Variants in PTPRT observed in about 807,000 individuals in gnomAD.
PTPRT encodes the protein protein tyrosine phosphatase receptor type T, also known as receptor-type tyrosine-protein phosphatase T.
In PTPRT, 56 loss-of-function variants were observed where a neutral mutation model predicts 176.8. That is an observed-to-expected ratio of 0.32 (90% CI 0.26 to 0.40). The LOEUF is 0.40. Among genes scored for constraint, PTPRT ranks in the 10% least tolerant of loss-of-function variants. The pLI is 1.00. For synonymous variants in PTPRT, 783 were observed against 739.0 expected, an observed-to-expected ratio of 1.06 and a Z score of -0.96; for missense variants, 1,540 against 1,908.2, an observed-to-expected ratio of 0.81 and a Z score of 3.60.
chr20:42,744,069 G>A (rs2076654284), intron 6 of PTPRT, among the ~76,000 whole-genome samples: 1 of 152,228 alleles, frequency 6.6e-6, no homozygotes, highest in Non-Finnish European at 1.5e-5. Context: ...CAGTTCCCAT[G>A]ACCAGCTGGG....
intron 1 of PTPRT, among the ~76,000 whole-genome samples, chr20:42,993,224 C>A (rs559682617): frequency 1.3e-5 from 2 of 151,756 alleles, no homozygotes; most frequent in African/African-American, 4.8e-5. Context: ...TGAGACCAGC[C>A]TGGCTAACAT....
At position 43,091,465 on chromosome 20, in the gene PTPRT, CT is replaced by C. The variant is rs1421379158; in HGVS notation, c.88+98180del. Among the ~76,000 whole-genome samples, 31 of 139,152 alleles carry C rather than the reference CT, an allele frequency of 2.2e-4. 2 individuals carry two copies. The East Asian group carries it at 5.5e-3, about 25-fold the overall frequency. 91.3% of individuals were successfully genotyped at this position (139,152 alleles called of 152,430 possible). ...GTATTTCTCTCTCTCTCTCTCCCCCCTCTCTTTCTCTCTCTCTCTCTCTCTA... is the reference window on the plus strand; with the variant it reads ...GTATTTCTCTCTCTCTCTCTCCCCCCCTCTTTCTCTCTCTCTCTCTCTCTA... On this transcript the variant is annotated intron_variant, in intron 1 of 30. Coordinates refer to ENST00000373187, the MANE Select transcript of PTPRT (RefSeq NM_007050.6).
At chr20:42,656,673 A>T (rs574824672) in intron 7 of PTPRT, among the ~76,000 whole-genome samples, 2 of 152,288 alleles carry the variant, frequency 1.3e-5, no homozygotes, top group South Asian at 2.1e-4. Flanking sequence ...TCCAGGAAAA[A>T]ATATTACATA....
intron 27 of PTPRT, among the ~76,000 whole-genome samples, chr20:42,092,950 T>G (rs1282154400): frequency 1.3e-5 from 2 of 152,196 alleles, no homozygotes; most frequent in East Asian, 1.9e-4. Flanking sequence ...ACAGAGCAAC[T>G]CAGCTTTTAT....
intron 16 of PTPRT, among the ~76,000 whole-genome samples, chr20:42,176,464 G>T (rs1052982368): frequency 6.6e-6 from 1 of 152,106 alleles, no homozygotes; most frequent in Non-Finnish European, 1.5e-5. Context: ...TGGCTCCAGG[G>T]GACTGGACAT....
intron 9 of PTPRT, among the ~76,000 whole-genome samples, chr20:42,373,917 A>G (rs1197370681): frequency 6.6e-6 from 1 of 152,170 alleles, no homozygotes; most frequent in Admixed American, 6.5e-5. Context: ...TCACAGCATG[A>G]GTCATGCAGG....
intron 1 of PTPRT, among the ~76,000 whole-genome samples, chr20:43,181,227 C>A (rs1294769933): frequency 6.6e-6 from 1 of 152,206 alleles, no homozygotes. Context: ...GAACTGACTG[C>A]AGCCTGTGAG....
At chr20:42,513,158 C>A (rs2145463832) in intron 7 of PTPRT, among the ~76,000 whole-genome samples, 2 of 151,318 alleles carry the variant, frequency 1.3e-5, no homozygotes, top group Middle Eastern at 6.9e-3. Context: ...CCATACCCGA[C>A]CTAATGTTGT....
At chr20:42,920,161 C>G (rs755459220) in intron 1 of PTPRT, among the ~76,000 whole-genome samples, 1 of 152,112 alleles carries the variant, frequency 6.6e-6, no homozygotes, top group Non-Finnish European at 1.5e-5. Flanking sequence ...GAGACAAGAA[C>G]AAAAAATAAG....
chr20:42,303,207 T>C (rs1217103104), intron 12 of PTPRT, among the ~76,000 whole-genome samples: 1 of 152,240 alleles, frequency 6.6e-6, no homozygotes, highest in Non-Finnish European at 1.5e-5. Context: ...CATTGAGCTG[T>C]AATTACTAAT....
At chr20:42,678,209 AG>A (rs1198441508) in intron 6 of PTPRT, 50 bp from the exon 7 acceptor site, 1 of 1,544,208 alleles carries the variant, frequency 6.5e-7, no homozygotes, top group African/African-American at 1.4e-5. Flanking sequence ...TGATTTACAG[AG>A]CAGACTACAA....
intron 15 of PTPRT, among the ~76,000 whole-genome samples, chr20:42,221,944 G>T (rs2055897297): frequency 6.6e-6 from 1 of 152,168 alleles, no homozygotes; most frequent in East Asian, 1.9e-4. Flanking sequence ...GACACATGGG[G>T]ATTACAATTT....
At chr20:42,968,441 C>T (rs948830497) in intron 1 of PTPRT, among the ~76,000 whole-genome samples, 5 of 152,112 alleles carry the variant, frequency 3.3e-5, no homozygotes, top group African/African-American at 7.2e-5. Flanking sequence ...CACAGATGTA[C>T]GGTTGAACAC....
At chr20:42,283,351 T>C (rs2057172513) in intron 12 of PTPRT, among the ~76,000 whole-genome samples, 1 of 152,102 alleles carries the variant, frequency 6.6e-6, no homozygotes. Flanking sequence ...ATGCAAAGAA[T>C]GCAAGTATGT....
chr20:42,472,307 C>T lies in PTPRT; in HGVS notation c.1409G>A (p.Arg470Gln), dbSNP rs372070542. The change falls in exon 8 of 31, where the codon CGA (arginine) becomes CAA (glutamine). Residue 470 changes from arginine (R) to glutamine (Q), a missense_variant. Coordinates refer to ENST00000373187, the MANE Select transcript of PTPRT (RefSeq NM_007050.6). The part of the protein sequence containing the change: ...LRLLLSNPEG[R>Q]MESEELVVQT... ...CACCACCAGCTCCTCGCTCTCCATTCGGCCCTCGGGGTTAGACAGCAAGAG... is the reference window on the plus strand; with the variant it reads ...CACCACCAGCTCCTCGCTCTCCATTTGGCCCTCGGGGTTAGACAGCAAGAG... 27 of 1,614,088 alleles carry T rather than the reference C, an allele frequency of 1.7e-5. No individual in the cohort carries two copies. Among genetic ancestry groups the T allele is most frequent in the Admixed American group, 1.7e-4 (10 of 60,008 alleles).
chr20:42,619,908 A>C, intron 7 of PTPRT, among the ~76,000 whole-genome samples: 1 of 144,308 alleles, frequency 6.9e-6, no homozygotes, highest in East Asian at 2.0e-4. Context: ...AGCTCAGAGT[A>C]ATTTGATCAT....
chr20:42,084,799 C>T lies in PTPRT; in HGVS notation c.4019G>A (p.Trp1340Ter). ...RIVQHLQYIGWPAYRDTPPSK... is the reference protein window; with the variant it reads ...RIVQHLQYIG Reference sequence around the variant, plus strand: ...GGGGGGCGTGTCCCGGTAGGCAGGCCAGCCAATGTACTGGAGGTGCTGGAC... The same window carrying T: ...GGGGGGCGTGTCCCGGTAGGCAGGCTAGCCAATGTACTGGAGGTGCTGGAC... Residue 1340 changes from tryptophan (W) to a stop codon, truncating the protein, a stop_gained, in exon 29 of 31, where the codon TGG (tryptophan) becomes TAG (stop). Transcript: ENST00000373187. LOFTEE classifies it high-confidence loss of function. 1 of 1,547,384 alleles carries T rather than the reference C, an allele frequency of 6.5e-7. No homozygotes were observed. Among genetic ancestry groups the T allele is most frequent in the Non-Finnish European group, 8.8e-7 (1 of 1,141,834 alleles).
chr20:43,072,104 G>A (rs538577410), intron 1 of PTPRT, among the ~76,000 whole-genome samples: 3 of 152,156 alleles, frequency 2.0e-5, no homozygotes, highest in Non-Finnish European at 4.4e-5. Context: ...AATGTCTACC[G>A]AGTCAAACCA....
chr20:42,992,553 A>C (rs965826068), intron 1 of PTPRT, among the ~76,000 whole-genome samples: 1 of 152,214 alleles, frequency 6.6e-6, no homozygotes, highest in Non-Finnish European at 1.5e-5. Flanking sequence ...AGCAACCAAG[A>C]CCAAAAAACT....
Sources: gnomAD v4.1 joint callset for allele counts (sites outside exome capture counted in the v4.1 genomes callset) on GRCh38, gnomAD v4.1.1 for gene constraint, MANE v1.5 for transcripts, NCBI Gene and HGNC (gene_info 2026-07-23, HGNC 2026-07-21) for gene names.